ABCB10: variants seen among roughly 807,000 people sequenced by gnomAD.
ABCB10 encodes ATP binding cassette subfamily B member 10, also known as ATP-binding cassette sub-family B member 10, mitochondrial.
In ABCB10, 54 loss-of-function variants were observed where a neutral mutation model predicts 65.4. That is an observed-to-expected ratio of 0.83 (90% CI 0.66 to 1.04). ABCB10 has a LOEUF of 1.04. Ranked by LOEUF, ABCB10 falls within the 50% of genes least tolerant of loss-of-function variation. The pLI is 0.00. For missense variants in ABCB10, 846 were observed against 976.6 expected (o/e 0.87, Z 1.78); for synonymous variants, 418 against 406.5 (o/e 1.03, Z -0.34).
intron 11 of ABCB10, among the ~76,000 whole-genome samples, chr1:229,520,968 C>T (rs183177934): frequency 1.3e-5 from 2 of 152,218 alleles, no homozygotes; most frequent in Admixed American, 6.5e-5. Context: ...TGAAACTGGA[C>T]TTTGTGTGCA....
chr1:229,525,696 G>C, intron 10 of ABCB10, among the ~76,000 whole-genome samples: 1 of 152,090 alleles, frequency 6.6e-6, no homozygotes, highest in East Asian at 1.9e-4. Context: ...GCTGGACGTG[G>C]TGGCAGGCAC....
intron 6 of ABCB10, among the ~76,000 whole-genome samples, chr1:229,533,115 T>A (rs553872137): frequency 6.6e-6 from 1 of 152,048 alleles, no homozygotes; most frequent in Non-Finnish European, 1.5e-5. Flanking sequence ...TCTCTAGCCA[T>A]CCCTTTTTAA....
In ABCB10 at chr1:229,518,341, C is replaced by T. The variant is rs771365184; in HGVS notation, c.2055G>A (p.Val685=). ...ALDRLMDGRT[V]LVIAHRLSTI... ...TGGACAGACGATGGGCAATAACTAA[C>T]ACCGTTCTTCCATCCATCAGTCGAT... Residue 685 remains valine, a synonymous_variant, in exon 13 of 13, where the codon GTG becomes GTA. Transcript: ENST00000344517. The T allele has an allele frequency of 6.2e-7, 1 of 1,614,152 alleles. No homozygotes were observed. Among genetic ancestry groups the T allele is most frequent in the Admixed American group, 1.7e-5 (1 of 60,014 alleles).
intron 1 of ABCB10, among the ~76,000 whole-genome samples, chr1:229,550,729 T>C (rs1663088473): frequency 1.3e-5 from 2 of 150,530 alleles, no homozygotes; most frequent in South Asian, 4.2e-4. Flanking sequence ...CCAGGTGTGT[T>C]GGTGCGCACC....
chr1:229,535,742 T>C (rs78385869), intron 6 of ABCB10, among the ~76,000 whole-genome samples: 1 of 151,926 alleles, frequency 6.6e-6, no homozygotes, highest in Non-Finnish European at 1.5e-5. Flanking sequence ...TTTTTTTTTT[T>C]TGAGACAGAG....
intron 3 of ABCB10, 77 bp from the exon 4 acceptor site, chr1:229,542,448 AGT>A (rs1393048750): frequency 1.6e-5 from 24 of 1,520,852 alleles, no homozygotes; most frequent in African/African-American, 2.8e-5. Context: ...ACGAAAGGGG[AGT>A]GTGTGTGTGG....
At chr1:229,527,666 G>A (rs2102686689) in intron 8 of ABCB10, among the ~76,000 whole-genome samples, 1 of 152,276 alleles carries the variant, frequency 6.6e-6, no homozygotes. Flanking sequence ...CAGAAGGGAG[G>A]GGCAAGCCAT....
intron 1 of ABCB10, among the ~76,000 whole-genome samples, chr1:229,550,690 T>TAA (rs11301432): frequency 1.4e-5 from 2 of 138,538 alleles, no homozygotes; most frequent in East Asian, 2.1e-4. Flanking sequence ...CTGTCTCTAC[T>TAA]AAAAAAAAAA....
At position 229,558,560 on chromosome 1, in the gene ABCB10, G is replaced by C; in HGVS notation, c.93C>G (p.Ala31=). The C allele has an allele frequency of 3.5e-6, 5 of 1,443,272 alleles. No homozygotes were observed. The highest frequency in any genetic ancestry group is 3.6e-6 in the Non-Finnish European group (4 of 1,099,774). 89.4% of individuals were successfully genotyped at this position (1,443,272 alleles called of 1,614,324 possible). A position where few individuals can be genotyped will look rare whatever the true frequency, so the allele number is the denominator to read the frequency against. ...GRLLPVACVW[A]AASRVPGSLS... The stretch of plus-strand genomic sequence containing the variant: ...GGGACCCGGGAACGCGGCTGGCCGC[G>C]GCCCACACGCAGGCTACCGGCAGGA... The change falls in exon 1 of 13, where the codon GCC becomes GCG. Residue 31 remains alanine, a synonymous_variant. Coordinates refer to ENST00000344517, the MANE Select transcript of ABCB10 (RefSeq NM_012089.3).
At chr1:229,523,237 T>A (rs1239436260) in intron 10 of ABCB10, among the ~76,000 whole-genome samples, 1 of 152,160 alleles carries the variant, frequency 6.6e-6, no homozygotes, top group African/African-American at 2.4e-5. Flanking sequence ...CTCCCTATCT[T>A]TGTCTCACCC....
intron 10 of ABCB10, among the ~76,000 whole-genome samples, chr1:229,525,116 A>G (rs754169762): frequency 2.0e-5 from 3 of 152,088 alleles, no homozygotes; most frequent in Non-Finnish European, 4.4e-5. Flanking sequence ...CGGCCTCCCA[A>G]AGTGCTGGGA....
At chr1:229,545,429 T>C (rs1662944260) in intron 3 of ABCB10, among the ~76,000 whole-genome samples, 1 of 152,208 alleles carries the variant, frequency 6.6e-6, no homozygotes, top group Non-Finnish European at 1.5e-5. Flanking sequence ...TTACAGTTCT[T>C]ATTCCACGAG....
At chr1:229,518,511 T>A in intron 12 of ABCB10, 101 bp from the exon 13 acceptor site, 1 of 976,268 alleles carries the variant, frequency 1.0e-6, no homozygotes, top group South Asian at 1.6e-5. Context: ...ATTTTTACCA[T>A]GATCAAAATT....
chr1:229,526,033 G>C lies in ABCB10; in HGVS notation c.1809C>G (p.Ile603Met). 1 of 1,614,182 alleles carries C rather than the reference G, an allele frequency of 6.2e-7. No individual in the cohort carries two copies. The highest frequency in any genetic ancestry group is 8.5e-7 in the Non-Finnish European group (1 of 1,180,022). Residue 603 changes from isoleucine (I) to methionine (M), a missense_variant, in exon 10 of 13, where the codon ATC becomes ATG. Ile to Met is a conservative substitution (Grantham distance 10). Around this residue, in one of 2 missense-constraint regions of ABCB10, gnomAD observed 632 missense variants for 803.2 expected, o/e 0.79. Coordinates refer to ENST00000344517, the MANE Select transcript of ABCB10 (RefSeq NM_012089.3). ...CATTGGCCACTTCAGCCACTCTCTGGATTTCCTCAGCGGTCACAGAGGAAG... is the reference window on the plus strand; with the variant it reads ...CATTGGCCACTTCAGCCACTCTCTGCATTTCCTCAGCGGTCACAGAGGAAG... ...DDPSSVTAEEIQRVAEVANAV... is the reference protein window; with the variant it reads ...DDPSSVTAEEMQRVAEVANAV...
rs937070021 is a variant in ABCB10 at position 229,530,493 on chromosome 1, T to C, written c.1436-85A>G. ...CTCGGTTCTCCTACTCATCTGGCTA[T>C]GGATGGGTGACTCCACCACAGCTAA... On this transcript the variant is annotated intron_variant, in intron 7 of 12. Transcript: ENST00000344517. 9 of 1,391,458 alleles carry C rather than the reference T, an allele frequency of 6.5e-6. No individual in the cohort carries two copies. The African/African-American group carries it at 9.9e-5, about 15-fold the overall frequency. The allele number at this position is 1,391,458 out of a possible 1,614,324, so 86.2% of individuals were successfully genotyped here. A position where few individuals can be genotyped will look rare whatever the true frequency, so the allele number is the denominator to read the frequency against.
At position 229,518,835 on chromosome 1, in the gene ABCB10, C is replaced by T. The variant is rs1466039962; in HGVS notation, c.1985+6G>A. The T allele has an allele frequency of 6.3e-7, 1 of 1,594,314 alleles. No homozygotes were observed. Among genetic ancestry groups the T allele is most frequent in the Non-Finnish European group, 8.5e-7 (1 of 1,172,010 alleles). On this transcript the variant is annotated splice_donor_region_variant and intron_variant, in intron 12 of 12. Coordinates refer to ENST00000344517, the MANE Select transcript of ABCB10 (RefSeq NM_012089.3). ...ACAATGGCATATATTATTAAGATATCCTCACCTGGTTGCTTCATCTAGGAG... is the reference window on the plus strand; with the variant it reads ...ACAATGGCATATATTATTAAGATATTCTCACCTGGTTGCTTCATCTAGGAG...
intron 1 of ABCB10, among the ~76,000 whole-genome samples, chr1:229,555,278 T>C (rs1571805205): frequency 6.6e-6 from 1 of 152,248 alleles, no homozygotes; most frequent in Admixed American, 6.5e-5. Flanking sequence ...ACGGTTCTGA[T>C]GAAGTGTCGC....
chr1:229,552,337 C>T (rs1366436097), intron 1 of ABCB10, among the ~76,000 whole-genome samples: 2 of 152,222 alleles, frequency 1.3e-5, no homozygotes. Flanking sequence ...GCCCTGGACA[C>T]AACTGAGCAT....
chr1:229,552,332 G>T (rs1239094776), intron 1 of ABCB10, among the ~76,000 whole-genome samples: 1 of 152,062 alleles, frequency 6.6e-6, no homozygotes, highest in Admixed American at 6.6e-5. Context: ...CACAAGCCCT[G>T]GACACAACTG....
Sources: gnomAD v4.1 joint callset for allele counts (sites outside exome capture counted in the v4.1 genomes callset) on GRCh38, gnomAD v4.1.1 for gene constraint, gnomAD v4.1.1 regional missense constraint, MANE v1.5 for transcripts, NCBI Gene and HGNC (gene_info 2026-07-23, HGNC 2026-07-21) for gene names.